Variants in ZSCAN29 observed in about 807,000 individuals in gnomAD.
The protein encoded by ZSCAN29 is zinc finger and SCAN domain containing 29.
In ZSCAN29, 55 loss-of-function variants were observed where a neutral mutation model predicts 71.9. The observed-to-expected ratio is 0.76, with a 90% CI of 0.62 to 0.96. The LOEUF (loss-of-function observed/expected upper bound fraction) is 0.96. ZSCAN29 is among the 40% of genes least tolerant of loss of function. The probability of loss-of-function intolerance (pLI) is 0.00; values close to 1 mark genes in which losing one functional copy is unlikely to be tolerated. For synonymous variants in ZSCAN29, 351 were observed against 371.6 expected (o/e 0.94, Z 0.64); for missense variants, 1,042 against 1,042.2 (o/e 1.00, Z 0.00).
At chr15:43,367,264 C>T (rs2044049085) in intron 3 of ZSCAN29, among the ~76,000 whole-genome samples, 1 of 152,266 alleles carries the variant, frequency 6.6e-6, no homozygotes, top group Non-Finnish European at 1.5e-5. Flanking sequence ...ATTCCTACTG[C>T]CACCATCCAA....
At chr15:43,365,185 T>C (rs2044024022) in intron 4 of ZSCAN29, among the ~76,000 whole-genome samples, 1 of 152,164 alleles carries the variant, frequency 6.6e-6, no homozygotes, top group Admixed American at 6.5e-5. Flanking sequence ...TTGCCCCATT[T>C]TACACTTGAG....
chr15:43,368,463 T>C (rs1180125176), intron 3 of ZSCAN29, among the ~76,000 whole-genome samples: 4 of 46,312 alleles, frequency 8.6e-5, no homozygotes, highest in Non-Finnish European at 1.2e-4. Context: ...GAGGCGGAGC[T>C]TGCAGTGAGC....
rs553606667 is a variant in ZSCAN29, at chr15:43,366,351, C to T, written c.981G>A (p.Met327Ile). 1.2e-6 allele frequency: 2 copies of T among 1,613,822 alleles called. No individual in the cohort carries two copies. The highest frequency in any genetic ancestry group is 2.7e-5 in the African/African-American group (2 of 75,024). ...PPETCPFFEE[M>I]EALMSAQVIA... is the part of the protein sequence containing the mutation. Reference sequence around the variant, plus strand: ...TGACCTGAGCACTCATCAGGGCTTCCATCTCTTCAAAGAAGGGGCAGGTCT... The same window carrying T: ...TGACCTGAGCACTCATCAGGGCTTCTATCTCTTCAAAGAAGGGGCAGGTCT... The change falls in exon 4 of 6, where the codon ATG becomes ATA. Residue 327 changes from methionine to isoleucine, a missense_variant. Coordinates refer to ENST00000684362, the MANE Select transcript of ZSCAN29 (RefSeq NM_001372080.1).
rs747458009 is a variant in ZSCAN29, at chr15:43,369,957, C to CA, written c.-45dup. The CA allele has an allele frequency of 2.0e-6, 3 of 1,536,036 alleles. No individual in the cohort carries two copies. The Admixed American group carries it at 5.5e-5, about 28-fold the overall frequency. ...TCCCTTCGCTTAGGAGTCTGGGTTC[C>CA]AGGGCTTACATCTATCTTCCCATGT... On this transcript the variant is annotated 5_prime_UTR_variant, in exon 2 of 6. The change creates a premature stop within an existing upstream ORF in the 5' untranslated region. Coordinates refer to ENST00000684362, the MANE Select transcript of ZSCAN29 (RefSeq NM_001372080.1).
chr15:43,363,871 G>T lies in ZSCAN29; in HGVS notation c.1690+44C>A, dbSNP rs757457895. Reference sequence around the variant, plus strand: ...GATGATATTTTTCCTAAGTCCCATTGTCTTCCCTTTGTTATTTATACCATA... The same window carrying T: ...GATGATATTTTTCCTAAGTCCCATTTTCTTCCCTTTGTTATTTATACCATA... On this transcript the variant is annotated intron_variant, in intron 5 of 5. Transcript: ENST00000684362. The T allele has an allele frequency of 8.6e-6, 13 of 1,519,042 alleles. No homozygotes were observed. The African/African-American group carries it at 1.5e-4, about 18-fold the overall frequency. 94.1% of individuals were successfully genotyped at this position (1,519,042 alleles called of 1,614,324 possible).
chr15:43,366,949 T>C, intron 3 of ZSCAN29, 141 bp from the exon 4 acceptor site: 1 of 762,684 alleles, frequency 1.3e-6, no homozygotes, highest in South Asian at 1.9e-5. Flanking sequence ...TTCAGTGGGC[T>C]GAAAAAGGTG....
chr15:43,369,786 C>G lies in ZSCAN29; in HGVS notation c.128G>C (p.Cys43Ser). 6.2e-7 allele frequency: 1 copy of G among 1,614,268 alleles called. No individual in the cohort carries two copies. The highest frequency in any genetic ancestry group is 8.5e-7 in the Non-Finnish European group (1 of 1,180,054). Residue 43 changes from cysteine to serine, a missense_variant, in exon 2 of 6, where the codon TGC becomes TCC. Cys to Ser is a moderately radical substitution (Grantham distance 112). Coordinates refer to ENST00000684362, the MANE Select transcript of ZSCAN29 (RefSeq NM_001372080.1). Reference sequence around the variant, plus strand: ...CACCTCCGGCCTTAGCCACCGACAGCAAAGTTCCCAGAGTTGGCTGAAAGC... The same window carrying G: ...CACCTCCGGCCTTAGCCACCGACAGGAAAGTTCCCAGAGTTGGCTGAAAGC... ...REAFSQLWEL[C>S]CRWLRPEVRT...
In ZSCAN29 at chr15:43,364,098, T is replaced by C. The variant is rs1453500849; in HGVS notation, c.1507A>G (p.Asn503Asp). The C allele has an allele frequency of 6.2e-7, 1 of 1,614,122 alleles. No homozygotes were observed. Among genetic ancestry groups the C allele is most frequent in the Non-Finnish European group, 8.5e-7 (1 of 1,180,024 alleles). The change falls in exon 5 of 6, where the codon AAT becomes GAT. Residue 503 changes from asparagine to aspartate, a missense_variant. Transcript: ENST00000684362. Reference sequence around the variant, plus strand: ...GAAGCAGTCTCTTCCTGGCCATCATTGGGTGGGGCAGCAACCCGGACACTC... The same window carrying C: ...GAAGCAGTCTCTTCCTGGCCATCATCGGGTGGGGCAGCAACCCGGACACTC... ...LVSVRVAAPP[N>D]DGQEETASCP... is the part of the protein sequence containing the mutation.
chr15:43,366,243 C>T lies in ZSCAN29; in HGVS notation c.1089G>A (p.Gly363=). The T allele has an allele frequency of 1.2e-6, 2 of 1,613,778 alleles. No individual in the cohort carries two copies. The highest frequency in any genetic ancestry group is 1.7e-6 in the Non-Finnish European group (2 of 1,180,042). Reference sequence around the variant, plus strand: ...CCTCCTCATGCTGCCAGCCCCTCTGCCCTGGCTCTTCAGTCTCAGCATCGC... The same window carrying T: ...CCTCCTCATGCTGCCAGCCCCTCTGTCCTGGCTCTTCAGTCTCAGCATCGC... ...VGSDAETEEP[G]QRGWQHEEGA... is the part of the protein sequence containing the mutation. Residue 363 remains glycine (G), a synonymous_variant, in exon 4 of 6, where the codon GGG becomes GGA. Coordinates refer to ENST00000684362, the MANE Select transcript of ZSCAN29 (RefSeq NM_001372080.1).
At chr15:43,368,735 A>T (rs1481283471) in intron 3 of ZSCAN29, among the ~76,000 whole-genome samples, 188 bp downstream of exon 3, 1 of 152,204 alleles carries the variant, frequency 6.6e-6, no homozygotes, top group Non-Finnish European at 1.5e-5. Flanking sequence ...TCCGATAAAA[A>T]CTAGGGAGCC....
chr15:43,367,478 T>C (rs2044050960), intron 3 of ZSCAN29, among the ~76,000 whole-genome samples: 1 of 152,136 alleles, frequency 6.6e-6, no homozygotes, highest in African/African-American at 2.4e-5. Flanking sequence ...AATTCCCTCC[T>C]ATCCAATTTT....
In ZSCAN29 at chr15:43,360,352, A is replaced by G. The variant is rs1720213230; in HGVS notation, c.*721T>C. 1 of 146,642 alleles carries G rather than the reference A, an allele frequency of 6.8e-6. No homozygotes were observed. Among genetic ancestry groups the G allele is most frequent in the Non-Finnish European group, 1.5e-5 (1 of 66,934 alleles). 9.1% of individuals were successfully genotyped at this position (146,642 alleles called of 1,614,324 possible). A position where few individuals can be genotyped will look rare whatever the true frequency, so the allele number is the denominator to read the frequency against. On this transcript the variant is annotated 3_prime_UTR_variant, in exon 6 of 6. Coordinates refer to ENST00000684362, the MANE Select transcript of ZSCAN29 (RefSeq NM_001372080.1). ...GAGTGAGACTCCATCTCGAAAAAAA[A>G]AAGCCCGGCGCAGTGGCTCATGCCT...
rs936695329 is a variant in ZSCAN29 at position 43,369,013 on chromosome 15, C to T, written c.433G>A (p.Val145Ile). The change falls in exon 3 of 6, where the codon GTA becomes ATA. Residue 145 changes from valine (V) to isoleucine (I), a missense_variant. Transcript: ENST00000684362. ...QESVEPQPRG[V>I]PKKERARSPD... ...CTTCTTGCCCTCTCTTTCTTGGGTA[C>T]ACCCCTGGGCTGGGGTTCCACTGAC... 4.3e-6 allele frequency: 7 copies of T among 1,612,784 alleles called. No individual in the cohort carries two copies. In the Admixed American group the frequency reaches 6.7e-5, roughly 15 times the overall value.
Position 43,360,138 on chromosome 15 carries a change from A to G in ZSCAN29, c.*935T>C, listed in dbSNP as rs921605704. On this transcript the variant is annotated 3_prime_UTR_variant, in exon 6 of 6. Coordinates refer to ENST00000684362, the MANE Select transcript of ZSCAN29 (RefSeq NM_001372080.1). ...CCTAGGCAGGCAGATCATGAGGTCA[A>G]TTCAAAACCAGCCTGGCCAACATGG... is the stretch of plus-strand genomic sequence containing the variant. 6.6e-6 allele frequency: 1 copy of G among 151,282 alleles called. No homozygotes were observed. The highest frequency in any genetic ancestry group is 1.5e-5 in the Non-Finnish European group (1 of 67,908). 9.4% of individuals were successfully genotyped at this position (151,282 alleles called of 1,614,324 possible).
chr15:43,366,744 A>G lies in ZSCAN29; in HGVS notation c.588T>C (p.Asp196=). The G allele has an allele frequency of 6.2e-7, 1 of 1,614,184 alleles. No homozygotes were observed. The highest frequency in any genetic ancestry group is 1.6e-4 in the Middle Eastern group (1 of 6,062). Residue 196 remains aspartate (D), a synonymous_variant, in exon 4 of 6, where the codon GAT becomes GAC. Coordinates refer to ENST00000684362, the MANE Select transcript of ZSCAN29 (RefSeq NM_001372080.1). ...GTTCTTTCTCCTTAGAGCCCAGCAG[A>G]TCTGGGATCCATGGCTCTCCTTGCT... The part of the protein sequence containing the change: ...RLEQGEPWIP[D]LLGSKEKELP...
intron 2 of ZSCAN29, 35 bp downstream of exon 2, chr15:43,369,561 A>G (rs2044077009): frequency 6.3e-7 from 1 of 1,588,438 alleles, no homozygotes; most frequent in Non-Finnish European, 8.6e-7. Context: ...ACCCAGTATC[A>G]CACTTTTGAA....
At chr15:43,363,691 C>T in intron 5 of ZSCAN29, 1 of 453,210 alleles carries the variant, frequency 2.2e-6, no homozygotes, top group Non-Finnish European at 3.9e-6. Context: ...AGCAAATTTA[C>T]AATGTGCAGC....
chr15:43,370,022 C>T lies in ZSCAN29; in HGVS notation c.-109G>A, dbSNP rs2044086076. On this transcript the variant is annotated 5_prime_UTR_variant, in exon 2 of 6. Coordinates refer to ENST00000684362, the MANE Select transcript of ZSCAN29 (RefSeq NM_001372080.1). The stretch of plus-strand genomic sequence containing the variant: ...CTGCAGATGACTGTAAGAGGTGTTT[C>T]TTCCTAGGGCAGAGAAAGATGGCAC... 2 of 1,132,228 alleles carry T rather than the reference C, an allele frequency of 1.8e-6. No homozygotes were observed. Among genetic ancestry groups the T allele is most frequent in the African/African-American group, 1.5e-5 (1 of 64,596 alleles). 70.1% of individuals were successfully genotyped at this position (1,132,228 alleles called of 1,614,324 possible). A position where few individuals can be genotyped will look rare whatever the true frequency, so the allele number is the denominator to read the frequency against.
At chr15:43,363,833 C>A in intron 5 of ZSCAN29, 82 bp downstream of exon 5, 1 of 1,357,994 alleles carries the variant, frequency 7.4e-7, no homozygotes, top group South Asian at 1.5e-5. Flanking sequence ...GTGTAGAGGC[C>A]AGTTCTCAAT....
Sources: allele counts gnomAD v4.1 joint callset (sites outside exome capture counted in the v4.1 genomes callset), GRCh38; gene constraint gnomAD v4.1.1; transcripts MANE v1.5; gene names NCBI Gene and HGNC (gene_info 2026-07-23, HGNC 2026-07-21).